Variants in GPD2 observed in about 807,000 individuals in gnomAD.
GPD2 encodes glycerol-3-phosphate dehydrogenase, mitochondrial.
A neutral mutation model predicts 82.4 loss-of-function variants in GPD2; 54 were observed. The observed-to-expected ratio is 0.66, with a 90% CI of 0.53 to 0.82. The LOEUF is 0.82. Among genes scored for constraint, GPD2 ranks in the 40% least tolerant of loss-of-function variants. The pLI is 0.00. For missense variants in GPD2, 748 were observed against 896.2 expected (o/e 0.83, Z 2.11); for synonymous variants, 288 against 306.1 (o/e 0.94, Z 0.62).
the GPD2 span, among the ~76,000 whole-genome samples, chr2:156,400,404 G>A: frequency 4.6e-5 from 7 of 152,212 alleles, no homozygotes; most frequent in Admixed American, 4.6e-4. Flanking sequence ...CGGCCTCCTG[G>A]ATCTGCGCTG....
intron 3 of GPD2, among the ~76,000 whole-genome samples, chr2:156,499,127 T>TAA (rs1558929552): frequency 6.6e-6 from 1 of 152,146 alleles, no homozygotes; most frequent in African/African-American, 2.4e-5. Flanking sequence ...GAGCTACTCT[T>TAA]AAACAAATAC....
the GPD2 span, among the ~76,000 whole-genome samples, chr2:156,400,862 T>C: frequency 7.9e-5 from 12 of 152,312 alleles, no homozygotes; most frequent in African/African-American, 2.9e-4. Flanking sequence ...GTTTGCTTTT[T>C]ATTTTTTCTC....
At chr2:156,466,950 G>A (rs981765233) in intron 1 of GPD2, among the ~76,000 whole-genome samples, 8 of 152,266 alleles carry the variant, frequency 5.3e-5, no homozygotes, top group African/African-American at 1.9e-4. Context: ...GTGGTCCTGG[G>A]CCAACCTCGT....
intron 6 of GPD2, among the ~76,000 whole-genome samples, chr2:156,514,528 T>A (rs756987082): frequency 2.0e-5 from 3 of 152,120 alleles, no homozygotes; most frequent in Non-Finnish European, 2.9e-5. Context: ...CTGAATACTA[T>A]GGGATGTCCC....
intron 13 of GPD2, among the ~76,000 whole-genome samples, chr2:156,573,650 A>G (rs1687718220): frequency 6.6e-6 from 1 of 152,176 alleles, no homozygotes; most frequent in Non-Finnish European, 1.5e-5. Flanking sequence ...ACTTCAGTTC[A>G]TATTTTATGA....
At chr2:156,460,990 G>A (rs945478909) in intron 1 of GPD2, among the ~76,000 whole-genome samples, 1 of 151,872 alleles carries the variant, frequency 6.6e-6, no homozygotes, top group Non-Finnish European at 1.5e-5. Flanking sequence ...ATGGCTAATG[G>A]TATCCTAATG....
intron 6 of GPD2, among the ~76,000 whole-genome samples, chr2:156,530,693 T>A (rs1475043281): frequency 6.6e-6 from 1 of 152,128 alleles, no homozygotes; most frequent in African/African-American, 2.4e-5. Context: ...GATAATCATG[T>A]GGTTTTTGTC....
At chr2:156,571,604 G>T (rs1234540314) in intron 13 of GPD2, among the ~76,000 whole-genome samples, 1 of 152,104 alleles carries the variant, frequency 6.6e-6, no homozygotes, top group East Asian at 1.9e-4. Flanking sequence ...AACATAATCA[G>T]TGAAATGCAA....
At chr2:156,423,239 A>G in the GPD2 span, among the ~76,000 whole-genome samples, 1 of 152,244 alleles carries the variant, frequency 6.6e-6, no homozygotes, top group Non-Finnish European at 1.5e-5. Flanking sequence ...TAAGATGTAC[A>G]TAAAATGTCT....
chr2:156,401,167 C>G, the GPD2 span, among the ~76,000 whole-genome samples: 2 of 152,174 alleles, frequency 1.3e-5, no homozygotes, highest in Non-Finnish European at 2.9e-5. Context: ...GGGAATCGAA[C>G]CCGGGCCTCC....
chr2:156,549,820 C>T, intron 7 of GPD2, 48 bp downstream of exon 7: 1 of 1,332,600 alleles, frequency 7.5e-7, no homozygotes. Context: ...TCTTGCCTAG[C>T]TTATATAATG....
intron 2 of GPD2, among the ~76,000 whole-genome samples, chr2:156,494,119 A>G (rs920765279): frequency 2.6e-5 from 4 of 152,172 alleles, no homozygotes; most frequent in African/African-American, 2.4e-5. Flanking sequence ...AAAAGAAGCT[A>G]TATGAAAAAT....
intron 9 of GPD2, among the ~76,000 whole-genome samples, chr2:156,564,669 T>A (rs973040033): frequency 6.6e-6 from 1 of 152,164 alleles, no homozygotes; most frequent in African/African-American, 2.4e-5. Context: ...GGAGGGGAAC[T>A]GTTGTAGATA....
At chr2:156,547,719 T>C (rs1686600553) in intron 6 of GPD2, among the ~76,000 whole-genome samples, 1 of 152,224 alleles carries the variant, frequency 6.6e-6, no homozygotes, top group South Asian at 2.1e-4. Context: ...CTACAGAGCT[T>C]GAAGAACTAT....
At chr2:156,560,238 G>A (rs2105349855) in intron 9 of GPD2, among the ~76,000 whole-genome samples, 1 of 152,280 alleles carries the variant, frequency 6.6e-6, no homozygotes, top group African/African-American at 2.4e-5. Context: ...TGAGCGTGGG[G>A]CTTTAACGGA....
At chr2:156,575,335 C>T (rs866240096) in intron 13 of GPD2, among the ~76,000 whole-genome samples, 14 of 151,716 alleles carry the variant, frequency 9.2e-5, no homozygotes, top group Middle Eastern at 3.4e-3. Flanking sequence ...ATAGTGATCA[C>T]GGAAGCTAGT....
chr2:156,530,643 G>A lies in GPD2; in HGVS notation c.661+17147G>A, dbSNP rs187563636. ...TTATTGAGAGTTTTTAGCATGAAGC[G>A]TTGTTGAATTTTGTCAAAGGCCTTT... On this transcript the variant is annotated intron_variant, in intron 6 of 16. Coordinates refer to ENST00000438166, the MANE Select transcript of GPD2 (RefSeq NM_000408.5). 1.4e-3 allele frequency among the ~76,000 whole-genome samples: 217 copies of A among 151,982 alleles called. 4 individuals carry two copies. Among genetic ancestry groups the A allele is most frequent in the African/African-American group, 4.2e-3 (176 of 41,436 alleles).
intron 1 of GPD2, among the ~76,000 whole-genome samples, chr2:156,453,791 C>T (rs572164857): frequency 3.9e-5 from 6 of 152,176 alleles, no homozygotes; most frequent in South Asian, 4.2e-4. Context: ...GCAGGAGAAT[C>T]GCTTGAACCC....
At chr2:156,473,630 G>T (rs1306411026) in intron 1 of GPD2, 2 of 152,230 alleles carry the variant, frequency 1.3e-5, no homozygotes, top group African/African-American at 4.8e-5. Flanking sequence ...CATGTGCGTT[G>T]TTTAAGGTAA....
Sources: gnomAD v4.1 joint callset for allele counts (sites outside exome capture counted in the v4.1 genomes callset) on GRCh38, gnomAD v4.1.1 for gene constraint, MANE v1.5 for transcripts, NCBI Gene and HGNC (gene_info 2026-07-23, HGNC 2026-07-21) for gene names.